The following URGCP variants were observed in gnomAD, a reference collection of about 807,000 sequenced individuals.
URGCP encodes the protein up-regulator of cell proliferation.
In URGCP, 13 loss-of-function variants were observed where a neutral mutation model predicts 24.6. The observed-to-expected ratio is 0.53, with a 90% CI of 0.34 to 0.84. The LOEUF (loss-of-function observed/expected upper bound fraction) is 0.84. Among genes scored for constraint, URGCP ranks in the 40% least tolerant of loss-of-function variants. The pLI, the probability that URGCP is intolerant of heterozygous loss-of-function variation, is 0.01. For synonymous variants in URGCP, 444 were observed against 487.2 expected (o/e 0.91, Z 1.17); for missense variants, 899 against 1,194.3 (o/e 0.75, Z 3.64).
At chr7:43,914,799 G>A (rs373249540) in intron 1 of URGCP, among the ~76,000 whole-genome samples, 31 of 152,008 alleles carry the variant, frequency 2.0e-4, no homozygotes, top group Non-Finnish European at 3.1e-4. Flanking sequence ...ATTATTTTTC[G>A]GTTTCTTTGT....
Position 43,887,435 on chromosome 7 carries a change from C to T in URGCP, c.92G>A (p.Arg31Gln), listed in dbSNP as rs754826200. The change falls in exon 3 of 6, where the codon CGA (arginine) becomes CAA (glutamine). Residue 31 changes from arginine (R) to glutamine (Q), a missense_variant. Arg to Gln is a conservative substitution (Grantham distance 43, BLOSUM62 1). Transcript: ENST00000453200. Reference protein sequence around the residue: ...VAPEIKASERRTAVAIADLEW... With the variant: ...VAPEIKASERQTAVAIADLEW... The stretch of plus-strand genomic sequence containing the variant: ...TTTACCTGCAATGGCCACAGCTGTT[C>T]GTCTCTCTGATGCTTTTATTTCTGG... 18 of 1,613,718 alleles carry T rather than the reference C, an allele frequency of 1.1e-5. No individual in the cohort carries two copies. The highest frequency in any genetic ancestry group is 6.7e-5 in the African/African-American group (5 of 74,896).
chr7:43,883,238 C>T (rs1309453757), intron 3 of URGCP, among the ~76,000 whole-genome samples: 1 of 149,020 alleles, frequency 6.7e-6, no homozygotes, highest in South Asian at 2.1e-4. Context: ...AAGGAGGGAG[C>T]AAGACTTCTC....
intron 1 of URGCP, chr7:43,920,039 TG>T (rs1475442945): frequency 7.6e-7 from 1 of 1,311,988 alleles, no homozygotes; most frequent in Non-Finnish European, 1.1e-6. Flanking sequence ...CTACATCTCC[TG>T]GGGCACCCAG....
intron 1 of URGCP, among the ~76,000 whole-genome samples, chr7:43,901,801 A>C (rs967509014): frequency 1.3e-5 from 2 of 152,164 alleles, no homozygotes; most frequent in African/African-American, 4.8e-5. Flanking sequence ...CTTCCCATAA[A>C]ATGACAGTGG....
At chr7:43,919,237 T>C in intron 1 of URGCP, 1 of 841,552 alleles carries the variant, frequency 1.2e-6, no homozygotes. Context: ...ATGAGCAACG[T>C]GGTGGTCCAG....
At chr7:43,902,371 T>A (rs570545232) in intron 1 of URGCP, among the ~76,000 whole-genome samples, 2 of 152,304 alleles carry the variant, frequency 1.3e-5, no homozygotes, top group South Asian at 4.1e-4. Context: ...CACCTCTATA[T>A]AGCTAAGCAT....
chr7:43,879,608 C>G, intron 5 of URGCP: 1 of 216,364 alleles, frequency 4.6e-6, no homozygotes, highest in Non-Finnish European at 9.2e-6. Flanking sequence ...ACACTGAGCT[C>G]AAAATTAATT....
In URGCP at chr7:43,886,793, A is replaced by C. The variant is rs1047893666; in HGVS notation, c.112+622T>G. On this transcript the variant is annotated intron_variant, in intron 3 of 5. Coordinates refer to ENST00000453200, the MANE Select transcript of URGCP (RefSeq NM_001077663.3). ...AATATCAAATAAAATAATAAAAGAA[A>C]AGAAAATATAAAACAAAATGAGTTA... 5.9e-5 allele frequency among the ~76,000 whole-genome samples: 9 copies of C among 152,194 alleles called. 1 individual carries two copies. The highest frequency in any genetic ancestry group is 2.6e-4 in the Admixed American group (4 of 15,278).
intron 5 of URGCP, 133 bp from the exon 6 acceptor site, chr7:43,879,393 G>A (rs971054105): frequency 9.4e-7 from 1 of 1,065,420 alleles, no homozygotes; most frequent in Admixed American, 2.8e-5. Context: ...TGCAGGCACA[G>A]GAGGCTCAGG....
chr7:43,921,562 ACTT>A (rs951125828), intron 1 of URGCP, among the ~76,000 whole-genome samples: 49 of 152,336 alleles, frequency 3.2e-4, no homozygotes, highest in African/African-American at 1.1e-3. Context: ...ACAGTTATAA[ACTT>A]CTTCTTTGGA....
At chr7:43,906,142 A>G (rs758762181) in intron 1 of URGCP, 2 of 152,136 alleles carry the variant, frequency 1.3e-5, no homozygotes, top group Non-Finnish European at 2.9e-5. Flanking sequence ...ACCCAGGAAC[A>G]TCGATACCAG....
intron 1 of URGCP, among the ~76,000 whole-genome samples, chr7:43,904,160 G>A (rs1004744660): frequency 1.3e-5 from 2 of 152,180 alleles, no homozygotes; most frequent in African/African-American, 2.4e-5. Context: ...GTCCACAAAC[G>A]GGACCAGGTC....
chr7:43,893,102 A>G (rs2095873428), intron 1 of URGCP, among the ~76,000 whole-genome samples: 1 of 152,090 alleles, frequency 6.6e-6, no homozygotes, highest in African/African-American at 2.4e-5. Flanking sequence ...CCAATGTGGG[A>G]GGATCCCTTT....
At chr7:43,883,609 C>G (rs796334939) in intron 3 of URGCP, among the ~76,000 whole-genome samples, 1 of 151,912 alleles carries the variant, frequency 6.6e-6, no homozygotes, top group Non-Finnish European at 1.5e-5. Flanking sequence ...GATCCACCTG[C>G]CTTGGCCTCA....
At chr7:43,919,834 C>A in intron 1 of URGCP, 1 of 1,268,050 alleles carries the variant, frequency 7.9e-7, no homozygotes, top group Non-Finnish European at 1.2e-6. Context: ...CGCATGATGG[C>A]CAACCACACC....
chr7:43,907,675 T>A (rs2095905645), upstream of URGCP, among the ~76,000 whole-genome samples: 1 of 152,196 alleles, frequency 6.6e-6, no homozygotes, highest in African/African-American at 2.4e-5. Flanking sequence ...GATAGAACCT[T>A]TCCAGGGCCA....
At chr7:43,882,650 C>T (rs1162762681) in intron 3 of URGCP, among the ~76,000 whole-genome samples, 1 of 151,430 alleles carries the variant, frequency 6.6e-6, no homozygotes, top group Non-Finnish European at 1.5e-5. Flanking sequence ...CGTCAAGTGA[C>T]AATATGGTGG....
At chr7:43,883,361 TA>T (rs1411025193) in intron 3 of URGCP, among the ~76,000 whole-genome samples, 898 of 83,448 alleles carry the variant, frequency 0.011, 9 homozygotes, top group African/African-American at 0.048. Context: ...TATATATATA[TA>T]TTTTTTTTTT....
chr7:43,900,078 G>A (rs1426199041), intron 1 of URGCP, among the ~76,000 whole-genome samples: 1 of 152,032 alleles, frequency 6.6e-6, no homozygotes, highest in Non-Finnish European at 1.5e-5. Context: ...ACAGCAGATT[G>A]AGGCTGCAGC....
Sources: gnomAD v4.1 joint callset for allele counts (sites outside exome capture counted in the v4.1 genomes callset) on GRCh38, gnomAD v4.1.1 for gene constraint, MANE v1.5 for transcripts, NCBI Gene and HGNC (gene_info 2026-07-23, HGNC 2026-07-21) for gene names.